CHD1L: variants seen among roughly 807,000 people sequenced by gnomAD.
CHD1L encodes the protein ATP-dependent chromatin remodeler CHD1L.
CHD1L carries 118 observed loss-of-function variants against 115.9 expected under a neutral mutation model. That is an observed-to-expected ratio of 1.02 (90% CI 0.88 to 1.19). CHD1L has a LOEUF of 1.19. Among genes scored for constraint, CHD1L ranks in the 50% most tolerant of loss-of-function variants. CHD1L has a pLI of 0.00. For synonymous variants in CHD1L, 411 were observed against 387.1 expected, an observed-to-expected ratio of 1.06 and a Z score of -0.72; for missense variants, 1,179 against 1,065.3, an observed-to-expected ratio of 1.11 and a Z score of -1.49.
chr1:147,179,673 A>G, the CHD1L span: 2 of 1,096,790 alleles, frequency 1.8e-6, no homozygotes, highest in Admixed American at 1.8e-5. Flanking sequence ...TCCACCAGAG[A>G]TGGGAAAACC....
the CHD1L span, chr1:147,173,104 C>G: frequency 3.9e-5 from 6 of 152,574 alleles, no homozygotes; most frequent in African/African-American, 1.4e-4. Context: ...AGATCAAGAC[C>G]ATCCTGGCCA....
At chr1:147,207,961 C>G in the CHD1L span, among the ~76,000 whole-genome samples, 1 of 152,164 alleles carries the variant, frequency 6.6e-6, no homozygotes, top group Non-Finnish European at 1.5e-5. Context: ...TTCTAAGAAA[C>G]TGAATCTGTC....
chr1:147,281,931 T>A (rs1681048113), intron 15 of CHD1L, among the ~76,000 whole-genome samples: 1 of 152,154 alleles, frequency 6.6e-6, no homozygotes. Flanking sequence ...CTTCATATGG[T>A]TATATATTTG....
At chr1:147,292,292 A>G (rs1332064167) in intron 20 of CHD1L, among the ~76,000 whole-genome samples, 1 of 152,226 alleles carries the variant, frequency 6.6e-6, no homozygotes, top group Non-Finnish European at 1.5e-5. Context: ...AGTCAGCCAT[A>G]ATAAAGCAGG....
chr1:147,179,136 T>G, the CHD1L span: 209 of 1,614,068 alleles, frequency 1.3e-4, no homozygotes, highest in East Asian at 3.7e-3. Flanking sequence ...TGCAGGAGGA[T>G]TTCTCGCGTG....
the CHD1L span, chr1:147,178,883 G>T: frequency 6.4e-7 from 1 of 1,573,716 alleles, no homozygotes; most frequent in South Asian, 1.1e-5. Flanking sequence ...TTGATACAGG[G>T]CAAGGACTTA....
At chr1:147,178,045 G>C in the CHD1L span, 1 of 768,310 alleles carries the variant, frequency 1.3e-6, no homozygotes, top group Non-Finnish European at 2.0e-6. Flanking sequence ...ATAGGTGGTC[G>C]CGCGCCCGAC....
chr1:147,238,274 A>G (rs1553930172), upstream of CHD1L, among the ~76,000 whole-genome samples: 1 of 152,212 alleles, frequency 6.6e-6, no homozygotes, highest in Non-Finnish European at 1.5e-5. Flanking sequence ...AGAGGTCTGA[A>G]TAAATGTTTA....
chr1:147,247,387 A>G (rs1195378293), intron 1 of CHD1L, among the ~76,000 whole-genome samples: 3 of 152,092 alleles, frequency 2.0e-5, no homozygotes, highest in Non-Finnish European at 4.4e-5. Flanking sequence ...GAGCAGAGAG[A>G]GTGACTGACT....
chr1:147,283,507 C>G (rs1681756323), intron 15 of CHD1L, among the ~76,000 whole-genome samples: 1 of 152,152 alleles, frequency 6.6e-6, no homozygotes, highest in African/African-American at 2.4e-5. Context: ...GCAGATCACT[C>G]AACCTCATTG....
At chr1:147,204,576 CAGA>C in the CHD1L span, 4 of 1,590,554 alleles carry the variant, frequency 2.5e-6, no homozygotes, top group Non-Finnish European at 8.6e-7. Context: ...GGCCAATCCT[CAGA>C]AGTTCTTCAG....
rs782545021 is a variant in CHD1L at position 147,285,367 on chromosome 1, G to A, written c.1898G>A (p.Arg633Gln). ...GLVEGSTKRK[R>Q]VLSPEELEDR... ...GTGGAGGGATCTACCAAAAGGAAGCGGGTTCTGAGTCCAGAAGAGCTGGAG... is the reference window on the plus strand; with the variant it reads ...GTGGAGGGATCTACCAAAAGGAAGCAGGTTCTGAGTCCAGAAGAGCTGGAG... Residue 633 changes from arginine (R) to glutamine (Q), a missense_variant, in exon 17 of 23, where the codon CGG becomes CAG. By Grantham distance (43) the Arg-to-Gln change is conservative (BLOSUM62 1). Transcript: ENST00000369258. 14 of 1,613,762 alleles carry A rather than the reference G, an allele frequency of 8.7e-6. No homozygotes were observed. The highest frequency in any genetic ancestry group is 2.7e-5 in the African/African-American group (2 of 74,886).
At chr1:147,294,034 TCTC>T (rs1278571800) in intron 21 of CHD1L, among the ~76,000 whole-genome samples, 1 of 152,172 alleles carries the variant, frequency 6.6e-6, no homozygotes, top group Non-Finnish European at 1.5e-5. Context: ...GTTTATTTAA[TCTC>T]CTCTTGGAGA....
chr1:147,258,079 A>G (rs1033682601), intron 5 of CHD1L, among the ~76,000 whole-genome samples: 1 of 152,212 alleles, frequency 6.6e-6, no homozygotes. Flanking sequence ...TTCTGAGAAT[A>G]GCAGGGAAGT....
chr1:147,195,152 A>G, the CHD1L span, among the ~76,000 whole-genome samples: 22 of 152,160 alleles, frequency 1.4e-4, no homozygotes, highest in South Asian at 2.7e-3. Flanking sequence ...CACCAATCCG[A>G]CGTAGATTTG....
chr1:147,245,314 TC>T, intron 1 of CHD1L, among the ~76,000 whole-genome samples: 1 of 152,330 alleles, frequency 6.6e-6, no homozygotes, highest in South Asian at 2.1e-4. Context: ...ATTTTCCGCT[TC>T]CCACTTAGCT....
At chr1:147,244,599 A>G (rs1010322418) in intron 1 of CHD1L, among the ~76,000 whole-genome samples, 1 of 152,148 alleles carries the variant, frequency 6.6e-6, no homozygotes, top group African/African-American at 2.4e-5. Flanking sequence ...TACTGTTAAC[A>G]TGTTCTCTAT....
At chr1:147,255,200 A>G (rs1003958680) in intron 3 of CHD1L, among the ~76,000 whole-genome samples, 4 of 152,206 alleles carry the variant, frequency 2.6e-5, no homozygotes, top group African/African-American at 4.8e-5. Context: ...TGTAGTAAGT[A>G]TTGATGAACT....
chr1:147,238,512 A>G (rs947629392), upstream of CHD1L, among the ~76,000 whole-genome samples: 1 of 152,228 alleles, frequency 6.6e-6, no homozygotes, highest in African/African-American at 2.4e-5. Flanking sequence ...GCCAAAGGAC[A>G]TATCCTTTCT....
Sources: gnomAD v4.1 joint callset for allele counts (sites outside exome capture counted in the v4.1 genomes callset) on GRCh38, gnomAD v4.1.1 for gene constraint, MANE v1.5 for transcripts, NCBI Gene and HGNC (gene_info 2026-07-23, HGNC 2026-07-21) for gene names.